Variants in DRGX observed in about 807,000 individuals in gnomAD.
DRGX encodes dorsal root ganglia homeobox protein.
A neutral mutation model predicts 28.6 loss-of-function variants in DRGX; 21 were observed. The observed-to-expected ratio is 0.73, with a 90% confidence interval of 0.52 to 1.06. The LOEUF (loss-of-function observed/expected upper bound fraction) is 1.06, where lower values mean the gene tolerates loss of function less well. DRGX is among the 50% of genes least tolerant of loss of function. DRGX has a pLI of 0.00. For missense variants in DRGX, 354 were observed against 343.9 expected (o/e 1.03, Z -0.23); for synonymous variants, 136 against 139.1 (o/e 0.98, Z 0.16).
chr10:49,378,884 T>C (rs1383219914), intron 6 of DRGX, among the ~76,000 whole-genome samples: 2 of 152,200 alleles, frequency 1.3e-5, no homozygotes, highest in Non-Finnish European at 2.9e-5. Flanking sequence ...CATGTGTGTA[T>C]ATATATGCTG....
chr10:49,370,619 T>C (rs1333629301), intron 6 of DRGX, among the ~76,000 whole-genome samples: 1 of 152,222 alleles, frequency 6.6e-6, no homozygotes, highest in Non-Finnish European at 1.5e-5. Flanking sequence ...CCAAAGGGGC[T>C]TCCCCTGGAC....
chr10:49,365,959 G>T lies in DRGX; in HGVS notation c.*157C>A. 1 of 854,668 alleles carries T rather than the reference G, an allele frequency of 1.2e-6. No individual in the cohort carries two copies. The highest frequency in any genetic ancestry group is 1.7e-6 in the Non-Finnish European group (1 of 604,230). 52.9% of individuals were successfully genotyped at this position (854,668 alleles called of 1,614,324 possible). ...GGGACTCCAGAGGGACGCTCCAGGT[G>T]CCAAGGGAGCTGTGGGTCTCACTTG... On this transcript the variant is annotated 3_prime_UTR_variant, in exon 7 of 7. Transcript: ENST00000374139.
chr10:49,384,839 C>T (rs937136174), intron 6 of DRGX, among the ~76,000 whole-genome samples: 7 of 152,332 alleles, frequency 4.6e-5, no homozygotes, highest in Admixed American at 6.5e-5. Context: ...TGGCGTCCAA[C>T]GGGGCCTCAG....
At chr10:49,393,053 T>C (rs1184796840) in intron 2 of DRGX, among the ~76,000 whole-genome samples, 1 of 152,170 alleles carries the variant, frequency 6.6e-6, no homozygotes, top group Non-Finnish European at 1.5e-5. Flanking sequence ...ATACAGGTAT[T>C]TAATCTATAA....
intron 6 of DRGX, among the ~76,000 whole-genome samples, chr10:49,382,627 C>T (rs1014685726): frequency 1.3e-5 from 2 of 152,194 alleles, no homozygotes; most frequent in African/African-American, 4.8e-5. Flanking sequence ...GAAGACTGGG[C>T]TGCAAGAGTC....
Position 49,390,130 on chromosome 10 carries a change from T to C in DRGX, c.234+3A>G. 2.5e-6 allele frequency: 4 copies of C among 1,605,984 alleles called. No homozygotes were observed. The highest frequency in any genetic ancestry group is 3.4e-6 in the Non-Finnish European group (4 of 1,176,184). On this transcript the variant is annotated splice_donor_region_variant and intron_variant, in intron 4 of 6. Transcript: ENST00000374139. ...GAGTTAAATAATTAAAAAGAAGGTT[T>C]ACCTGCACTCTGGCTTCTGTGAGGT...
At chr10:49,381,869 G>C (rs1849780552) in intron 6 of DRGX, among the ~76,000 whole-genome samples, 1 of 152,232 alleles carries the variant, frequency 6.6e-6, no homozygotes, top group Non-Finnish European at 1.5e-5. Flanking sequence ...TAAGATCCCA[G>C]TAAGACCACA....
intron 6 of DRGX, among the ~76,000 whole-genome samples, chr10:49,384,310 C>A (rs373712539): frequency 6.6e-6 from 1 of 152,190 alleles, no homozygotes; most frequent in East Asian, 1.9e-4. Context: ...CACGGTATGT[C>A]GCCGACCTCA....
chr10:49,369,143 C>T (rs1231845805), intron 6 of DRGX, among the ~76,000 whole-genome samples: 1 of 152,228 alleles, frequency 6.6e-6, no homozygotes, highest in East Asian at 1.9e-4. Context: ...GGAGCCATAG[C>T]CTACAGCTGC....
intron 6 of DRGX, among the ~76,000 whole-genome samples, chr10:49,381,232 G>A (rs1849773036): frequency 6.6e-6 from 1 of 152,222 alleles, no homozygotes; most frequent in Admixed American, 6.5e-5. Flanking sequence ...TTGCCTCACG[G>A]CCTGATGGGG....
At chr10:49,371,293 C>T (rs1252316051) in intron 6 of DRGX, among the ~76,000 whole-genome samples, 2 of 152,140 alleles carry the variant, frequency 1.3e-5, no homozygotes, top group Non-Finnish European at 2.9e-5. Context: ...CAGGGTGACT[C>T]ATTAGTAAAT....
chr10:49,379,059 A>G (rs1469326194), intron 6 of DRGX, among the ~76,000 whole-genome samples: 1 of 152,230 alleles, frequency 6.6e-6, no homozygotes, highest in Admixed American at 6.5e-5. Context: ...TTTCAGATTT[A>G]GGATTTTCAG....
chr10:49,382,246 C>T (rs569469294), intron 6 of DRGX, among the ~76,000 whole-genome samples: 1 of 152,312 alleles, frequency 6.6e-6, no homozygotes, highest in African/African-American at 2.4e-5. Flanking sequence ...CAGCAGCCTC[C>T]ATCCCAAGGG....
intron 6 of DRGX, among the ~76,000 whole-genome samples, chr10:49,369,020 C>T (rs1765431511): frequency 6.6e-6 from 1 of 152,148 alleles, no homozygotes; most frequent in Non-Finnish European, 1.5e-5. Context: ...CTGGTATTAA[C>T]CCAGTCAAGA....
chr10:49,395,764 G>C (rs989949793), intron 1 of DRGX, among the ~76,000 whole-genome samples, 171 bp downstream of exon 1: 1 of 152,186 alleles, frequency 6.6e-6, no homozygotes, highest in African/African-American at 2.4e-5. Context: ...ACCCCGCAGC[G>C]TAGTTTCTGG....
At chr10:49,391,880 A>G (rs771172030) in intron 2 of DRGX, 1 of 517,752 alleles carries the variant, frequency 1.9e-6, no homozygotes. Context: ...TGTTATATAG[A>G]TGTCAATTAA....
chr10:49,379,827 C>T (rs1849755070), intron 6 of DRGX, among the ~76,000 whole-genome samples: 1 of 152,230 alleles, frequency 6.6e-6, no homozygotes, highest in Admixed American at 6.5e-5. Flanking sequence ...ACTTGACCTA[C>T]AGCAGCTCCT....
chr10:49,378,023 G>T (rs897782423), intron 6 of DRGX, among the ~76,000 whole-genome samples: 2 of 152,016 alleles, frequency 1.3e-5, no homozygotes, highest in African/African-American at 4.8e-5. Flanking sequence ...CATCTAATTT[G>T]GGTCTATTCC....
At chr10:49,391,325 C>T (rs1169213076) in intron 2 of DRGX, 64 bp from the exon 3 acceptor site, 15 of 1,415,926 alleles carry the variant, frequency 1.1e-5, no homozygotes, top group African/African-American at 1.4e-5. Context: ...CGCCCCCAGA[C>T]ACAGTTCAGA....
Sources: allele counts gnomAD v4.1 joint callset (sites outside exome capture counted in the v4.1 genomes callset), GRCh38; gene constraint gnomAD v4.1.1; transcripts MANE v1.5; gene names NCBI Gene and HGNC (gene_info 2026-07-23, HGNC 2026-07-21).